The following SLC12A3 variants were observed in gnomAD, a reference collection of about 807,000 sequenced individuals.
The protein encoded by SLC12A3 is Na-Cl cotransporter.
SLC12A3 carries 104 observed loss-of-function variants against 121.0 expected under a neutral mutation model. That is an observed-to-expected ratio of 0.86 (90% CI 0.73 to 1.01). SLC12A3 has a LOEUF of 1.01. Ranked by LOEUF, SLC12A3 falls within the 50% of genes least tolerant of loss-of-function variation. The pLI is 0.00. For synonymous variants in SLC12A3, 536 were observed against 533.4 expected, an observed-to-expected ratio of 1.00 and a Z score of -0.07; for missense variants, 1,328 against 1,356.3, an observed-to-expected ratio of 0.98 and a Z score of 0.33.
chr16:56,889,775 T>G (rs1465711176), intron 18 of SLC12A3, among the ~76,000 whole-genome samples: 1 of 152,198 alleles, frequency 6.6e-6, no homozygotes, highest in East Asian at 1.9e-4. Context: ...GCGCCCGGCC[T>G]CCAGACATCT....
intron 11 of SLC12A3, 99 bp downstream of exon 11, chr16:56,879,748 G>A: frequency 2.3e-6 from 2 of 856,458 alleles, no homozygotes; most frequent in Non-Finnish European, 3.8e-6. Context: ...AACACCTGAA[G>A]GTGTCATTAG....
intron 25 of SLC12A3, among the ~76,000 whole-genome samples, chr16:56,910,392 G>A (rs2055669589): frequency 1.3e-5 from 2 of 152,106 alleles, no homozygotes; most frequent in African/African-American, 4.8e-5. Context: ...CTAGAGAGCA[G>A]TAGTGAGATC....
intron 18 of SLC12A3, among the ~76,000 whole-genome samples, chr16:56,888,289 G>A (rs1000217074): frequency 1.3e-5 from 2 of 152,210 alleles, no homozygotes; most frequent in Admixed American, 6.5e-5. Context: ...TGAAAAAGAA[G>A]TTGAGTCCAT....
At chr16:56,904,654 G>C in intron 25 of SLC12A3, 192 bp downstream of exon 25, 2 of 602,312 alleles carry the variant, frequency 3.3e-6, no homozygotes, top group Non-Finnish European at 3.0e-6. Flanking sequence ...CCACACCTGA[G>C]CTCCAGCTGG....
intron 3 of SLC12A3, 127 bp downstream of exon 3, chr16:56,868,499 G>C (rs1273308682): frequency 1.1e-6 from 1 of 931,276 alleles, no homozygotes; most frequent in African/African-American, 1.6e-5. Flanking sequence ...AGACCAAACG[G>C]CCAGGCCTTC....
chr16:56,913,382 G>A lies in SLC12A3; in HGVS notation c.3043G>A (p.Val1015Met), dbSNP rs775765261. The change falls in exon 26 of 26, where the codon GTG becomes ATG. Residue 1015 changes from valine to methionine, a missense_variant. Transcript: ENST00000563236. ...CCTGATCCGAGGAAACCAGGAAAAC[G>A]TGCTCACCTTTTACTGCCAGTAACT... is the stretch of plus-strand genomic sequence containing the variant. ...VILIRGNQEN[V>M]LTFYCQ is the part of the protein sequence containing the mutation. 6.2e-6 allele frequency: 10 copies of A among 1,614,170 alleles called. No individual in the cohort carries two copies. Among genetic ancestry groups the A allele is most frequent in the East Asian group, 2.2e-5 (1 of 44,888 alleles).
chr16:56,905,359 AAAG>A (rs2055594403), intron 25 of SLC12A3, among the ~76,000 whole-genome samples: 1 of 151,494 alleles, frequency 6.6e-6, no homozygotes, highest in Non-Finnish European at 1.5e-5. Context: ...AAAAAAAAAA[AAAG>A]AAGGAAGAAG....
intron 25 of SLC12A3, among the ~76,000 whole-genome samples, chr16:56,911,519 C>T (rs1269820787): frequency 6.6e-6 from 1 of 152,100 alleles, no homozygotes; most frequent in African/African-American, 2.4e-5. Flanking sequence ...AAGACAGGGT[C>T]TCACCATGTT....
chr16:56,881,910 G>A (rs1179007358), intron 12 of SLC12A3, among the ~76,000 whole-genome samples: 6 of 151,508 alleles, frequency 4.0e-5, no homozygotes, highest in Non-Finnish European at 1.5e-5. Flanking sequence ...TTAGCTGGGC[G>A]TGGTGGTGCA....
In SLC12A3 at chr16:56,865,966, TTTTTC is replaced by T. The variant is rs201167775; in HGVS notation, c.282+474_282+478del. On this transcript the variant is annotated intron_variant, in intron 1 of 25. Transcript: ENST00000563236. The stretch of plus-strand genomic sequence containing the variant: ...TATGACAATTGGGCTGAATTGTTCT[TTTTTC>T]TTTTCTTTTCTTTTCTTTTCTTTTT... Among the ~76,000 whole-genome samples the T allele has an allele frequency of 1.2e-4, 18 of 146,600 alleles. 1 individual carries two copies. The highest frequency in any genetic ancestry group is 4.1e-4 in the African/African-American group (16 of 39,200).
intron 24 of SLC12A3, among the ~76,000 whole-genome samples, chr16:56,903,351 G>A (rs868780829): frequency 2.0e-5 from 3 of 152,114 alleles, no homozygotes; most frequent in South Asian, 2.1e-4. Context: ...CTAGGAGTGC[G>A]AGCGAGAGCG....
At chr16:56,909,843 G>T (rs2055662005) in intron 25 of SLC12A3, among the ~76,000 whole-genome samples, 1 of 152,096 alleles carries the variant, frequency 6.6e-6, no homozygotes, top group South Asian at 2.1e-4. Flanking sequence ...AGATCACATT[G>T]TCTAGCATCT....
intron 22 of SLC12A3, among the ~76,000 whole-genome samples, chr16:56,895,732 A>G (rs1338052106): frequency 1.3e-5 from 2 of 151,864 alleles, no homozygotes; most frequent in African/African-American, 2.4e-5. Flanking sequence ...AGCTCATTAC[A>G]TTTATTGTGC....
At chr16:56,883,773 G>C (rs533454223) in intron 13 of SLC12A3, among the ~76,000 whole-genome samples, 52 of 152,322 alleles carry the variant, frequency 3.4e-4, no homozygotes, top group African/African-American at 1.2e-3. Context: ...CACCATGGGA[G>C]CTGGTGCTGT....
At chr16:56,882,367 C>G in intron 12 of SLC12A3, 29 bp from the exon 13 acceptor site, 7 of 1,580,950 alleles carry the variant, frequency 4.4e-6, no homozygotes, top group Non-Finnish European at 5.2e-6. Flanking sequence ...GCCCAACAGG[C>G]TGTCCTCTCT....
At chr16:56,870,940 T>G (rs1285858783) in intron 6 of SLC12A3, among the ~76,000 whole-genome samples, 1 of 152,004 alleles carries the variant, frequency 6.6e-6, no homozygotes, top group Non-Finnish European at 1.5e-5. Flanking sequence ...GTTCAAGAGA[T>G]TCTCCTGCCT....
intron 18 of SLC12A3, among the ~76,000 whole-genome samples, chr16:56,889,768 C>T (rs1205308746): frequency 6.6e-6 from 1 of 152,146 alleles, no homozygotes; most frequent in African/African-American, 2.4e-5. Flanking sequence ...AACCACTGCG[C>T]CCGGCCTCCA....
intron 25 of SLC12A3, 85 bp downstream of exon 25, chr16:56,904,547 C>A: frequency 7.7e-7 from 1 of 1,302,372 alleles, no homozygotes; most frequent in Non-Finnish European, 1.1e-6. Flanking sequence ...AGGGGCACCA[C>A]GGAGGGCCCA....
rs760534605 is a variant in SLC12A3 at position 56,887,922 on chromosome 16, C to T, written c.2179-3C>T. ...TCCCCATCTCACCCCTATCCCCTGG[C>T]AGGCCGCAGGTCTCGGGAGAATGAA... On this transcript the variant is annotated splice_region_variant and splice_polypyrimidine_tract_variant and intron_variant, in intron 17 of 25. Coordinates refer to ENST00000563236, the MANE Select transcript of SLC12A3 (RefSeq NM_001126108.2). 33 of 1,609,732 alleles carry T rather than the reference C, an allele frequency of 2.1e-5. No homozygotes were observed. Among genetic ancestry groups the T allele is most frequent in the Non-Finnish European group, 2.6e-5 (31 of 1,177,630 alleles).
Sources: allele counts gnomAD v4.1 joint callset (sites outside exome capture counted in the v4.1 genomes callset), GRCh38; gene constraint gnomAD v4.1.1; transcripts MANE v1.5; gene names NCBI Gene and HGNC (gene_info 2026-07-23, HGNC 2026-07-21).